The following PKP4 variants were observed in gnomAD, a reference collection of about 807,000 sequenced individuals.
PKP4 encodes the protein plakophilin 4, also known as plakophilin-4.
Under a neutral mutation model 145.1 loss-of-function variants are expected in PKP4, and 90 were observed. The ratio of observed to expected loss-of-function variants is 0.62; its 90% confidence interval spans 0.52 to 0.74. The LOEUF is 0.74. PKP4 is among the 30% of genes least tolerant of loss of function. The probability of loss-of-function intolerance (pLI) is 0.00; values close to 1 mark genes in which losing one functional copy is unlikely to be tolerated. For synonymous variants in PKP4, 563 were observed against 577.2 expected (o/e 0.98, Z 0.35); for missense variants, 1,340 against 1,482.7 (o/e 0.90, Z 1.58).
At chr2:158,457,314 C>T (rs1688905453) in intron 1 of PKP4, 96 bp downstream of exon 1, 1 of 151,812 alleles carries the variant, frequency 6.6e-6, no homozygotes, top group Non-Finnish European at 1.5e-5. Flanking sequence ...ACCTGCGCGC[C>T]GGGGGCCGGG....
At chr2:158,477,019 G>T (rs954497586) in intron 1 of PKP4, among the ~76,000 whole-genome samples, 1 of 151,912 alleles carries the variant, frequency 6.6e-6, no homozygotes, top group Non-Finnish European at 1.5e-5. Flanking sequence ...CTGTATAATA[G>T]AATTCTTTGT....
At chr2:158,534,985 T>C (rs1193356433) in intron 2 of PKP4, among the ~76,000 whole-genome samples, 1 of 152,236 alleles carries the variant, frequency 6.6e-6, no homozygotes, top group African/African-American at 2.4e-5. Flanking sequence ...GTTCTGTTCC[T>C]ATCCTGAGAA....
chr2:158,487,358 TATAATC>T (rs1236538367), intron 1 of PKP4, among the ~76,000 whole-genome samples: 2 of 152,218 alleles, frequency 1.3e-5, no homozygotes, highest in Admixed American at 6.5e-5. Context: ...TGCATAATCT[TATAATC>T]ATTATGTGTG....
At chr2:158,473,009 A>G (rs1691838392) in intron 1 of PKP4, among the ~76,000 whole-genome samples, 1 of 152,234 alleles carries the variant, frequency 6.6e-6, no homozygotes, top group Non-Finnish European at 1.5e-5. Flanking sequence ...ACATGAACAG[A>G]CACTTTTCAA....
chr2:158,668,935 A>G (rs1477321882), intron 16 of PKP4, among the ~76,000 whole-genome samples: 1 of 152,218 alleles, frequency 6.6e-6, no homozygotes, highest in Non-Finnish European at 1.5e-5. Flanking sequence ...GTGCACTTAC[A>G]GTTTGTCAGT....
chr2:158,590,111 C>T lies in PKP4; in HGVS notation c.245+12728C>T, dbSNP rs536290520. ...AAGAAATCAATATAATCTGTTTTTG[C>T]ATAGATTTTTCTATGCTGCTGTTGT... On this transcript the variant is annotated intron_variant, in intron 3 of 21. Transcript: ENST00000389759. Among the ~76,000 whole-genome samples the T allele has an allele frequency of 6.3e-4, 96 of 152,110 alleles. 1 individual carries two copies. The Middle Eastern group carries it at 0.017, about 27-fold the overall frequency.
At chr2:158,551,876 A>G (rs914415774) in intron 2 of PKP4, among the ~76,000 whole-genome samples, 4 of 152,252 alleles carry the variant, frequency 2.6e-5, no homozygotes, top group Non-Finnish European at 4.4e-5. Flanking sequence ...TAACTTTTTT[A>G]TAGACAGGAT....
At chr2:158,545,052 A>C (rs932075758) in intron 2 of PKP4, among the ~76,000 whole-genome samples, 10 of 142,434 alleles carry the variant, frequency 7.0e-5, no homozygotes, top group African/African-American at 2.6e-4. Context: ...AAAAGAGAGC[A>C]GGCCTAACCT....
At chr2:158,478,237 T>G (rs1234403470) in intron 1 of PKP4, among the ~76,000 whole-genome samples, 1 of 151,918 alleles carries the variant, frequency 6.6e-6, no homozygotes, top group African/African-American at 2.4e-5. Flanking sequence ...TAGGGAAGCA[T>G]TCAGAAAAAT....
chr2:158,513,453 G>A lies in PKP4; in HGVS notation c.-5-19727G>A, dbSNP rs984913213. ...GGAAGGACAAGGTTTCCTAGGATTC[G>A]ATTTAATGATTGTATCCCCCAGGGA... is the stretch of plus-strand genomic sequence containing the variant. On this transcript the variant is annotated intron_variant, in intron 1 of 21. Transcript: ENST00000389759. 3.3e-5 allele frequency among the ~76,000 whole-genome samples: 5 copies of A among 152,158 alleles called. No homozygotes were observed. The East Asian group carries it at 5.8e-4, about 18-fold the overall frequency.
chr2:158,668,734 T>C (rs2057329744), intron 16 of PKP4, among the ~76,000 whole-genome samples: 1 of 152,230 alleles, frequency 6.6e-6, no homozygotes, highest in Non-Finnish European at 1.5e-5. Flanking sequence ...GTGTTTGTCG[T>C]GAGCAAGCCA....
At chr2:158,607,889 G>A (rs975016780) in intron 4 of PKP4, among the ~76,000 whole-genome samples, 10 of 152,004 alleles carry the variant, frequency 6.6e-5, no homozygotes, top group Non-Finnish European at 1.5e-4. Context: ...CCCCTTCCCC[G>A]TTGCTTAAGT....
intron 4 of PKP4, among the ~76,000 whole-genome samples, chr2:158,606,336 C>G (rs1479260545): frequency 6.7e-6 from 1 of 148,912 alleles, no homozygotes; most frequent in Non-Finnish European, 1.5e-5. Flanking sequence ...GAGACTCCTT[C>G]TCAAAAAAAA....
intron 11 of PKP4, among the ~76,000 whole-genome samples, chr2:158,644,409 T>C (rs943356355): frequency 1.3e-5 from 2 of 152,176 alleles, no homozygotes; most frequent in Admixed American, 6.5e-5. Context: ...ATACTTGAGA[T>C]TGAGCTGGAA....
intron 2 of PKP4, among the ~76,000 whole-genome samples, chr2:158,545,876 C>T (rs2044987879): frequency 6.6e-6 from 1 of 152,156 alleles, no homozygotes; most frequent in Non-Finnish European, 1.5e-5. Context: ...TAGTTCCTCT[C>T]TTAAGGAAGG....
intron 9 of PKP4, among the ~76,000 whole-genome samples, chr2:158,637,877 G>A (rs1446396099): frequency 6.6e-6 from 1 of 152,224 alleles, no homozygotes; most frequent in African/African-American, 2.4e-5. Flanking sequence ...ATTGATAGCA[G>A]TTTTTCGAGG....
At chr2:158,482,741 T>C (rs1253475812) in intron 1 of PKP4, among the ~76,000 whole-genome samples, 1 of 150,838 alleles carries the variant, frequency 6.6e-6, no homozygotes, top group Non-Finnish European at 1.5e-5. Context: ...GAGGCTGAGG[T>C]GGTAGGATTG....
At chr2:158,636,026 A>G (rs1205808657) in intron 9 of PKP4, among the ~76,000 whole-genome samples, 1 of 152,148 alleles carries the variant, frequency 6.6e-6, no homozygotes, top group Admixed American at 6.5e-5. Context: ...ATTGATCTTT[A>G]CTGTATAAAA....
chr2:158,569,159 C>T (rs1460111243), intron 2 of PKP4, among the ~76,000 whole-genome samples: 2 of 152,162 alleles, frequency 1.3e-5, no homozygotes, highest in Non-Finnish European at 2.9e-5. Context: ...CAGATGAGAG[C>T]CTGAGTCTTA....
Sources: allele counts gnomAD v4.1 joint callset (sites outside exome capture counted in the v4.1 genomes callset), GRCh38; gene constraint gnomAD v4.1.1; transcripts MANE v1.5; gene names NCBI Gene and HGNC (gene_info 2026-07-23, HGNC 2026-07-21).